Variants in SPEF2 observed in about 807,000 individuals in gnomAD.
SPEF2 encodes sperm flagella and cilia-associated protein 2.
Under a neutral mutation model 224.6 loss-of-function variants are expected in SPEF2, and 187 were observed. That is an observed-to-expected ratio of 0.83 (90% CI 0.74 to 0.94). SPEF2 has a LOEUF of 0.94. Among genes scored for constraint, SPEF2 ranks in the 40% least tolerant of loss-of-function variants. SPEF2 has a pLI of 0.00. For synonymous variants in SPEF2, 715 were observed against 707.3 expected, an observed-to-expected ratio of 1.01 and a Z score of -0.17; for missense variants, 2,170 against 2,135.6, an observed-to-expected ratio of 1.02 and a Z score of -0.32.
chr5:35,775,072 G>T (rs1753420164), intron 28 of SPEF2, among the ~76,000 whole-genome samples: 2 of 152,052 alleles, frequency 1.3e-5, no homozygotes, highest in African/African-American at 4.8e-5. Flanking sequence ...ATAGTTGCTG[G>T]AGACACACAT....
At position 35,753,623 on chromosome 5, in the gene SPEF2, G is replaced by A. The variant is rs747447675; in HGVS notation, c.3331-1G>A. 2 of 1,613,904 alleles carry A rather than the reference G, an allele frequency of 1.2e-6. No individual in the cohort carries two copies. Among genetic ancestry groups the A allele is most frequent in the Non-Finnish European group, 1.7e-6 (2 of 1,180,004 alleles). On this transcript the variant is annotated splice_acceptor_variant, in intron 23 of 36. Coordinates refer to ENST00000356031, the MANE Select transcript of SPEF2 (RefSeq NM_024867.4). LOFTEE classifies it high-confidence loss of function. ...CCACCATGCCTGTTTTTTCTGTTCA[G>A]GATCTGCGAGACCGCCTGTGGGACA...
rs115548048 is a variant in SPEF2 at position 35,647,489 on chromosome 5, C to T, written c.726+682C>T. Among the ~76,000 whole-genome samples, 1,377 of 152,148 alleles carry T rather than the reference C, an allele frequency of 9.1e-3. 18 individuals carry two copies. Among genetic ancestry groups the T allele is most frequent in the African/African-American group, 0.032 (1,338 of 41,504 alleles). On this transcript the variant is annotated intron_variant, in intron 5 of 36. Transcript: ENST00000356031. ...AAGGTGTCAGTCTCTTTTTAACAAC[C>T]GGCTCTCATGGGAACTAACAGAGTA...
At chr5:35,732,552 C>T (rs757082421) in intron 21 of SPEF2, among the ~76,000 whole-genome samples, 5 of 152,216 alleles carry the variant, frequency 3.3e-5, no homozygotes, top group African/African-American at 4.8e-5. Flanking sequence ...GTTAGACATA[C>T]GATCTTAGGC....
intron 23 of SPEF2, among the ~76,000 whole-genome samples, chr5:35,752,039 T>G (rs190351661): frequency 4.1e-4 from 63 of 152,292 alleles, no homozygotes; most frequent in African/African-American, 1.4e-3. Context: ...TCATAAGAAG[T>G]ACGCAGCCTA....
At chr5:35,687,503 G>C (rs555060140) in intron 10 of SPEF2, among the ~76,000 whole-genome samples, 1 of 151,906 alleles carries the variant, frequency 6.6e-6, no homozygotes, top group East Asian at 1.9e-4. Flanking sequence ...TGTCGCCCAG[G>C]CTGGAGTGCA....
At chr5:35,754,253 A>AT (rs1750118490) in intron 24 of SPEF2, among the ~76,000 whole-genome samples, 1 of 151,718 alleles carries the variant, frequency 6.6e-6, no homozygotes, top group Non-Finnish European at 1.5e-5. Context: ...AGCCTATTAA[A>AT]TTTAAAAAAA....
intron 12 of SPEF2, among the ~76,000 whole-genome samples, chr5:35,693,288 A>G (rs559092524): frequency 2.0e-5 from 3 of 152,166 alleles, no homozygotes; most frequent in Non-Finnish European, 2.9e-5. Flanking sequence ...GTACAGAGGT[A>G]GAGGAGGACT....
chr5:35,775,755 C>A (rs748594794), intron 28 of SPEF2, among the ~76,000 whole-genome samples: 1 of 151,836 alleles, frequency 6.6e-6, no homozygotes, highest in South Asian at 2.1e-4. Context: ...CCAAACTATG[C>A]GATGATGATG....
chr5:35,771,590 A>G lies in SPEF2; in HGVS notation c.3802-19A>G. On this transcript the variant is annotated intron_variant, in intron 26 of 36. Coordinates refer to ENST00000356031, the MANE Select transcript of SPEF2 (RefSeq NM_024867.4). ...TTGTAAATGAGACATTAACTGAAAT[A>G]TTGCTGTTACGCAACCAGGTGGCTG... 1.3e-6 allele frequency: 2 copies of G among 1,583,852 alleles called. No individual in the cohort carries two copies. The highest frequency in any genetic ancestry group is 1.7e-6 in the Non-Finnish European group (2 of 1,172,400).
intron 1 of SPEF2, among the ~76,000 whole-genome samples, chr5:35,622,677 C>T (rs113720724): frequency 3.6e-4 from 55 of 152,262 alleles, no homozygotes; most frequent in African/African-American, 1.3e-3. Flanking sequence ...AAATCTATTG[C>T]TTCTGACGTA....
chr5:35,747,159 A>C (rs993568656), intron 23 of SPEF2, among the ~76,000 whole-genome samples: 2 of 152,172 alleles, frequency 1.3e-5, no homozygotes, highest in Non-Finnish European at 2.9e-5. Context: ...ACTACAAGAA[A>C]AAGGAGCTCT....
intron 23 of SPEF2, among the ~76,000 whole-genome samples, chr5:35,743,135 G>A (rs1747947760): frequency 6.6e-6 from 1 of 151,072 alleles, no homozygotes; most frequent in Admixed American, 6.6e-5. Context: ...GGTTAGATAT[G>A]GTGGACACAC....
chr5:35,647,010 G>A (rs1261187626), intron 5 of SPEF2, among the ~76,000 whole-genome samples: 1 of 152,214 alleles, frequency 6.6e-6, no homozygotes, highest in Admixed American at 6.5e-5. Flanking sequence ...GAAGAATGTA[G>A]CTTTAGGCCA....
chr5:35,728,043 G>T (rs570898242), intron 21 of SPEF2, among the ~76,000 whole-genome samples: 1 of 152,086 alleles, frequency 6.6e-6, no homozygotes, highest in South Asian at 2.1e-4. Context: ...GTGCTAAAAT[G>T]GGGGGAACAA....
chr5:35,782,141 C>T (rs1030289708), intron 30 of SPEF2, among the ~76,000 whole-genome samples: 1 of 152,312 alleles, frequency 6.6e-6, no homozygotes, highest in East Asian at 1.9e-4. Flanking sequence ...TAAATGAAGG[C>T]TTTTGTTGTA....
chr5:35,658,935 T>G, intron 7 of SPEF2, 84 bp from the exon 8 acceptor site: 1 of 1,037,910 alleles, frequency 9.6e-7, no homozygotes, highest in Non-Finnish European at 1.3e-6. Context: ...ATTATGCCTT[T>G]TGTATATTGT....
At position 35,793,180 on chromosome 5, in the gene SPEF2, T is replaced by A; in HGVS notation, c.4576T>A (p.Leu1526Ile). ...CTAGTTACAGGAATTAACATCTTTA[T>A]TAACAGTCAACTCCGAGTTCGTGGA... ...QPELQELTSL[L>I]TVNSEFVDWR... Residue 1526 changes from leucine (L) to isoleucine (I), a missense_variant, in exon 32 of 37, where the codon TTA becomes ATA. Transcript: ENST00000356031. The A allele has an allele frequency of 1.7e-5, 27 of 1,614,134 alleles. No homozygotes were observed. Among genetic ancestry groups the A allele is most frequent in the Non-Finnish European group, 2.3e-5 (27 of 1,179,994 alleles).
intron 4 of SPEF2, 26 bp downstream of exon 4, chr5:35,644,551 A>G (rs756500999): frequency 3.2e-6 from 5 of 1,548,312 alleles, no homozygotes; most frequent in Non-Finnish European, 4.4e-6. Flanking sequence ...TTTTTCAGAA[A>G]TTCATTAGTG....
intron 16 of SPEF2, 70 bp downstream of exon 16, chr5:35,700,822 T>C: frequency 6.7e-7 from 1 of 1,482,974 alleles, no homozygotes; most frequent in Non-Finnish European, 9.2e-7. Context: ...CAGTGAATAC[T>C]CCCATTTACA....
Sources: gnomAD v4.1 joint callset for allele counts (sites outside exome capture counted in the v4.1 genomes callset) on GRCh38, gnomAD v4.1.1 for gene constraint, MANE v1.5 for transcripts, NCBI Gene and HGNC (gene_info 2026-07-23, HGNC 2026-07-21) for gene names.